Variants in GPC5 observed in about 807,000 individuals in gnomAD.
GPC5 encodes the protein glypican 5.
GPC5 carries 47 observed loss-of-function variants against 53.9 expected under a neutral mutation model. That is an observed-to-expected ratio of 0.87 (90% confidence interval 0.69 to 1.11). The LOEUF is 1.11. Among genes scored for constraint, GPC5 ranks in the 50% most tolerant of loss-of-function variants. The pLI, the probability that GPC5 is intolerant of heterozygous loss-of-function variation, is 0.00. For missense variants in GPC5, 748 were observed against 713.1 expected, an observed-to-expected ratio of 1.05 and a Z score of -0.56; for synonymous variants, 286 against 263.3, an observed-to-expected ratio of 1.09 and a Z score of -0.84.
At chr13:92,663,776 TAC>T (rs1393711541) in intron 7 of GPC5, among the ~76,000 whole-genome samples, 1 of 137,374 alleles carries the variant, frequency 7.3e-6, no homozygotes, top group Non-Finnish European at 1.6e-5. Flanking sequence ...ACACTATATA[TAC>T]ACACACTATA....
chr13:91,636,388 T>C (rs915894743), intron 2 of GPC5, among the ~76,000 whole-genome samples: 2 of 149,874 alleles, frequency 1.3e-5, no homozygotes, highest in Admixed American at 6.6e-5. Flanking sequence ...AAATATATTT[T>C]ACATACATTA....
chr13:92,092,825 A>C (rs1362654072), intron 6 of GPC5, among the ~76,000 whole-genome samples: 3 of 152,326 alleles, frequency 2.0e-5, no homozygotes, highest in Non-Finnish European at 4.4e-5. Flanking sequence ...TATTTAACTG[A>C]TTAATAAATA....
At chr13:92,483,327 C>T (rs901498616) in intron 7 of GPC5, among the ~76,000 whole-genome samples, 4 of 152,184 alleles carry the variant, frequency 2.6e-5, no homozygotes, top group Non-Finnish European at 5.9e-5. Flanking sequence ...GAGCCTTTTG[C>T]TCCCAGGCTA....
chr13:91,662,589 A>G (rs1157236536), intron 2 of GPC5, among the ~76,000 whole-genome samples: 9 of 152,184 alleles, frequency 5.9e-5, no homozygotes, highest in Admixed American at 5.9e-4. Context: ...TGGTGCGAAC[A>G]TTTAGATATC....
In GPC5 at chr13:91,398,978, T is replaced by G. The variant is rs1440721836; in HGVS notation, c.-69T>G. 3 of 1,500,204 alleles carry G rather than the reference T, an allele frequency of 2.0e-6. No individual in the cohort carries two copies. The East Asian group carries it at 7.5e-5, about 37-fold the overall frequency. 92.9% of individuals were successfully genotyped at this position (1,500,204 alleles called of 1,614,324 possible). A position where few individuals can be genotyped will look rare whatever the true frequency, so the allele number is the denominator to read the frequency against. ...CCTCGGCCGCTGTGTCTTCCACGTC[T>G]GCAGCTCAGCCAGGGCGCGCAGGGC... On this transcript the variant is annotated 5_prime_UTR_variant, in exon 1 of 8. Transcript: ENST00000377067.
chr13:92,052,988 G>T (rs1184915666), intron 6 of GPC5, among the ~76,000 whole-genome samples: 3 of 152,292 alleles, frequency 2.0e-5, no homozygotes, highest in Admixed American at 2.0e-4. Context: ...AGAGGAAACA[G>T]AATTTTACTG....
intron 7 of GPC5, among the ~76,000 whole-genome samples, chr13:92,238,917 A>G (rs1300806206): frequency 1.3e-5 from 2 of 151,590 alleles, no homozygotes; most frequent in Non-Finnish European, 2.9e-5. Context: ...TATTTTGACT[A>G]AATTTTTATA....
intron 3 of GPC5, among the ~76,000 whole-genome samples, chr13:91,719,683 T>C (rs1165107593): frequency 6.6e-6 from 1 of 152,220 alleles, no homozygotes; most frequent in Non-Finnish European, 1.5e-5. Flanking sequence ...TAAAAATTCA[T>C]TGGAAAAAGA....
chr13:92,802,813 T>C (rs1288521586), intron 7 of GPC5, among the ~76,000 whole-genome samples: 1 of 151,980 alleles, frequency 6.6e-6, no homozygotes, highest in Non-Finnish European at 1.5e-5. Flanking sequence ...AAAATACCTG[T>C]AAACCACTTT....
intron 6 of GPC5, among the ~76,000 whole-genome samples, chr13:92,115,877 A>T (rs564691889): frequency 1.3e-5 from 2 of 150,716 alleles, no homozygotes; most frequent in Admixed American, 6.6e-5. Flanking sequence ...CTATATTTGG[A>T]GATAGTCTTT....
intron 7 of GPC5, among the ~76,000 whole-genome samples, chr13:92,216,402 C>T (rs1024807560): frequency 3.9e-5 from 6 of 152,114 alleles, no homozygotes; most frequent in Non-Finnish European, 1.5e-5. Context: ...TCACATCCAT[C>T]TCTCCAACTG....
chr13:92,402,122 G>A (rs188198333), intron 7 of GPC5, among the ~76,000 whole-genome samples: 226 of 152,224 alleles, frequency 1.5e-3, no homozygotes, highest in African/African-American at 5.2e-3. Context: ...AGTGAAGTTG[G>A]TGAGAATAAT....
chr13:91,891,875 TTAGAG>T (rs2039390241), intron 5 of GPC5, among the ~76,000 whole-genome samples: 1 of 152,102 alleles, frequency 6.6e-6, no homozygotes, highest in East Asian at 1.9e-4. Context: ...AGACTGCTTA[TTAGAG>T]TATTTTCCAT....
intron 7 of GPC5, among the ~76,000 whole-genome samples, chr13:92,644,320 T>C (rs978381680): frequency 6.6e-6 from 1 of 152,188 alleles, no homozygotes; most frequent in Non-Finnish European, 1.5e-5. Flanking sequence ...AGGATCTATT[T>C]TGACACTGCA....
chr13:92,215,071 T>C (rs1162883041), intron 7 of GPC5, among the ~76,000 whole-genome samples: 3 of 152,218 alleles, frequency 2.0e-5, no homozygotes, highest in Non-Finnish European at 4.4e-5. Context: ...AGTCAATTCA[T>C]ATTGTTTCAA....
chr13:91,930,629 C>G (rs2039812646), intron 6 of GPC5, among the ~76,000 whole-genome samples: 2 of 152,036 alleles, frequency 1.3e-5, no homozygotes, highest in Middle Eastern at 3.4e-3. Flanking sequence ...TAACACATGG[C>G]AGCCCAATAA....
intron 6 of GPC5, among the ~76,000 whole-genome samples, chr13:91,973,014 GC>G (rs1366938233): frequency 2.0e-5 from 3 of 152,156 alleles, no homozygotes; most frequent in African/African-American, 7.2e-5. Context: ...ATGTTGGCCT[GC>G]CTTGCTAGAT....
intron 1 of GPC5, among the ~76,000 whole-genome samples, chr13:91,446,828 G>A (rs564483400): frequency 4.6e-5 from 7 of 152,290 alleles, no homozygotes; most frequent in South Asian, 2.1e-4. Context: ...TTATCTTATA[G>A]GCGATACTGA....
chr13:91,770,328 T>C (rs1566674116), intron 5 of GPC5, among the ~76,000 whole-genome samples: 1 of 152,144 alleles, frequency 6.6e-6, no homozygotes, highest in Non-Finnish European at 1.5e-5. Context: ...CATGTAGACA[T>C]GATCAATCAA....
Sources: gnomAD v4.1 joint callset for allele counts (sites outside exome capture counted in the v4.1 genomes callset) on GRCh38, gnomAD v4.1.1 for gene constraint, MANE v1.5 for transcripts, NCBI Gene and HGNC (gene_info 2026-07-23, HGNC 2026-07-21) for gene names.